GPC3: variants seen among roughly 807,000 people sequenced by gnomAD.
GPC3 encodes glypican-3.
In GPC3, 3 loss-of-function variants were observed where a neutral mutation model predicts 34.4. The ratio of observed to expected loss-of-function variants is 0.09; its 90% CI spans 0.04 to 0.23. The LOEUF (loss-of-function observed/expected upper bound fraction) is 0.23, where lower values mean the gene tolerates loss of function less well. Among genes scored for constraint, GPC3 ranks in the 10% least tolerant of loss-of-function variants. The probability of loss-of-function intolerance (pLI) is 1.00; values close to 1 mark genes in which losing one functional copy is unlikely to be tolerated. For synonymous variants in GPC3, 177 were observed against 174.0 expected (o/e 1.02, Z -0.13); for missense variants, 351 against 445.6 (o/e 0.79, Z 1.91).
chrX:133,662,130 G>C (rs985611633), intron 5 of GPC3, among the ~76,000 whole-genome samples: 4 of 111,704 alleles, frequency 3.6e-5, no homozygotes, highest in Non-Finnish European at 7.5e-5. Context: ...TCTCAGTCCA[G>C]TGGGGAGTCT....
chrX:133,623,833 C>T (rs1241190808), intron 6 of GPC3, among the ~76,000 whole-genome samples: 3 of 111,951 alleles, frequency 2.7e-5, no homozygotes, highest in Non-Finnish European at 5.6e-5. Flanking sequence ...CAGAACTCTC[C>T]ACCCTAAATC....
At chrX:133,916,493 CAA>C (rs1385540943) in intron 2 of GPC3, among the ~76,000 whole-genome samples, 1 of 111,352 alleles carries the variant, frequency 9.0e-6, no homozygotes, top group East Asian at 2.8e-4. Flanking sequence ...TAAAAACAGC[CAA>C]AATTGTTAAT....
chrX:133,801,773 AT>A (rs2075611158), intron 2 of GPC3, among the ~76,000 whole-genome samples: 1 of 112,391 alleles, frequency 8.9e-6, no homozygotes, highest in Admixed American at 9.4e-5. Flanking sequence ...TGTAAAGATT[AT>A]TTATACCTCA....
intron 3 of GPC3, among the ~76,000 whole-genome samples, chrX:133,723,714 C>T (rs2071388153): frequency 8.9e-6 from 1 of 111,780 alleles, no homozygotes; most frequent in African/African-American, 3.3e-5. Context: ...ATCTCCTGCT[C>T]TCTCTTTGCC....
At position 133,742,834 on chromosome X, in the gene GPC3, C is replaced by A. The variant is rs1340711610; in HGVS notation, c.1032+10648G>T. 4.5e-5 allele frequency among the ~76,000 whole-genome samples: 5 copies of A among 111,635 alleles called. No homozygotes were observed. In the East Asian group the frequency reaches 1.4e-3, roughly 31 times the overall value. On this transcript the variant is annotated intron_variant, in intron 3 of 7. Transcript: ENST00000370818. ...CTCAGTAAATGATAATAGACAGCACCCAAATATAATGACTCTGCTTCCTAC... is the reference window on the plus strand; with the variant it reads ...CTCAGTAAATGATAATAGACAGCACACAAATATAATGACTCTGCTTCCTAC...
intron 3 of GPC3, among the ~76,000 whole-genome samples, chrX:133,738,527 A>G (rs1057446096): frequency 1.8e-5 from 2 of 112,119 alleles, no homozygotes; most frequent in African/African-American, 6.5e-5. Flanking sequence ...GATTTGTAAT[A>G]GACATCTATT....
intron 6 of GPC3, among the ~76,000 whole-genome samples, chrX:133,633,310 T>C (rs974999629): frequency 8.9e-6 from 1 of 112,296 alleles, no homozygotes; most frequent in African/African-American, 3.2e-5. Context: ...TCTCAACAGA[T>C]GTTCTGAGTC....
chrX:133,627,188 T>G (rs754624476), intron 6 of GPC3, among the ~76,000 whole-genome samples: 2 of 85,368 alleles, frequency 2.3e-5, no homozygotes, highest in Admixed American at 1.3e-4. Flanking sequence ...GGGGGAGGGA[T>G]AGCATTAGGA....
Position 133,687,143 on chromosome X carries a change from C to T in GPC3, c.1292+5226G>A, listed in dbSNP as rs371821561. Among the ~76,000 whole-genome samples, 50 of 92,462 alleles carry T rather than the reference C, an allele frequency of 5.4e-4. 3 individuals carry two copies. The East Asian group carries it at 0.01, about 19-fold the overall frequency. 80.3% of individuals were successfully genotyped at this position (92,462 alleles called of 115,157 possible). A position where few individuals can be genotyped will look rare whatever the true frequency, so the allele number is the denominator to read the frequency against. On this transcript the variant is annotated intron_variant, in intron 5 of 7. Transcript: ENST00000370818. ...ATTTTTAGTAGAGACGAGGTTTCAC[C>T]GTGTTAGCCAGGATGGTCTCGATCT...
chrX:133,804,120 T>C (rs148424522), intron 2 of GPC3, among the ~76,000 whole-genome samples: 1,951 of 110,797 alleles, frequency 0.018, 21 homozygotes, highest in Non-Finnish European at 0.024. Context: ...AAATATTTCC[T>C]CAAAATATAT....
At chrX:133,892,686 G>A (rs762499537) in intron 2 of GPC3, among the ~76,000 whole-genome samples, 23 of 110,275 alleles carry the variant, frequency 2.1e-4, no homozygotes, top group Non-Finnish European at 4.2e-4. Context: ...AGGGAAAGAA[G>A]GTCAAGCTGG....
At chrX:133,776,285 C>G (rs1189590914) in intron 2 of GPC3, among the ~76,000 whole-genome samples, 1 of 111,138 alleles carries the variant, frequency 9.0e-6, no homozygotes, top group East Asian at 2.8e-4. Flanking sequence ...GACTGGCGCC[C>G]CCTCCTGGCC....
At chrX:133,881,192 C>T (rs1483678697) in intron 2 of GPC3, among the ~76,000 whole-genome samples, 2 of 112,153 alleles carry the variant, frequency 1.8e-5, no homozygotes, top group Middle Eastern at 4.6e-3. Context: ...CCTGCTCTCA[C>T]TGCGTACCCA....
chrX:133,743,764 T>C (rs746675200), intron 3 of GPC3, among the ~76,000 whole-genome samples: 2 of 112,295 alleles, frequency 1.8e-5, no homozygotes, highest in Non-Finnish European at 3.8e-5. Flanking sequence ...GTGGTTACTG[T>C]AGCCTTGTAG....
chrX:133,757,982 A>G (rs776777145), intron 2 of GPC3, among the ~76,000 whole-genome samples: 7 of 111,866 alleles, frequency 6.3e-5, no homozygotes, highest in Non-Finnish European at 1.3e-4. Flanking sequence ...AGAAATGCAA[A>G]TCAAAACCAC....
rs372221882 is a variant in GPC3, at chrX:133,623,899, A to G, written c.1414-27300T>C. On this transcript the variant is annotated intron_variant, in intron 6 of 7. Transcript: ENST00000370818. ...CCACACCTATTCCAAAATTGACCAC[A>G]TAGTTGGAAGTAAAGCACTCCTCAG... Among the ~76,000 whole-genome samples, 33 of 111,865 alleles carry G rather than the reference A, an allele frequency of 2.9e-4. No individual in the cohort carries two copies. The East Asian group carries it at 9.0e-3, about 30-fold the overall frequency.
At chrX:133,845,160 G>C (rs1603258343) in intron 2 of GPC3, among the ~76,000 whole-genome samples, 1 of 111,942 alleles carries the variant, frequency 8.9e-6, no homozygotes, top group African/African-American at 3.2e-5. Context: ...AAGCACAAAT[G>C]ACACTTAAAA....
chrX:133,587,765 C>T (rs746615565), intron 7 of GPC3, among the ~76,000 whole-genome samples: 7 of 112,039 alleles, frequency 6.2e-5, no homozygotes, highest in Non-Finnish European at 1.1e-4. Flanking sequence ...AAGTATGTTA[C>T]ATCCATTATC....
At chrX:133,935,901 CTTAT>C (rs1444813821) in intron 2 of GPC3, among the ~76,000 whole-genome samples, 1 of 110,208 alleles carries the variant, frequency 9.1e-6, no homozygotes, top group African/African-American at 3.3e-5. Flanking sequence ...AAGGCATTAT[CTTAT>C]TTGAGTTTCA....
Sources: allele counts gnomAD v4.1 joint callset (sites outside exome capture counted in the v4.1 genomes callset), GRCh38; gene constraint gnomAD v4.1.1; transcripts MANE v1.5; gene names NCBI Gene and HGNC (gene_info 2026-07-23, HGNC 2026-07-21).